SBF2: variants seen among roughly 807,000 people sequenced by gnomAD.
SBF2 encodes myotubularin-related protein 13.
Under a neutral mutation model 225.2 loss-of-function variants are expected in SBF2, and 112 were observed. That is an observed-to-expected ratio of 0.50 (90% CI 0.43 to 0.58). The LOEUF (loss-of-function observed/expected upper bound fraction) is 0.58, where lower values mean the gene tolerates loss of function less well. Ranked by LOEUF, SBF2 falls within the 20% of genes least tolerant of loss-of-function variation. The probability of loss-of-function intolerance (pLI) is 0.00; values close to 1 mark genes in which losing one functional copy is unlikely to be tolerated. For missense variants in SBF2, 1,996 were observed against 2,206.2 expected, an observed-to-expected ratio of 0.90 and a Z score of 1.91; for synonymous variants, 763 against 773.3, an observed-to-expected ratio of 0.99 and a Z score of 0.22.
chr11:10,286,736 A>G lies in SBF2; in HGVS notation c.55+7279T>C, dbSNP rs749040411. ...AGTTAACAAAAAATGGCTACTCCACAGGCAGAGCAACCAAAAATATTTTTA... is the reference window on the plus strand; with the variant it reads ...AGTTAACAAAAAATGGCTACTCCACGGGCAGAGCAACCAAAAATATTTTTA... On this transcript the variant is annotated intron_variant, in intron 1 of 39. Transcript: ENST00000256190. 1.6e-4 allele frequency among the ~76,000 whole-genome samples: 24 copies of G among 152,322 alleles called. No individual in the cohort carries two copies. In the South Asian group the frequency reaches 2.9e-3, roughly 18 times the overall value.
intron 2 of SBF2, among the ~76,000 whole-genome samples, chr11:10,134,804 G>T (rs1317299495): frequency 6.6e-6 from 1 of 152,076 alleles, no homozygotes; most frequent in Non-Finnish European, 1.5e-5. Context: ...CTGCTTTCAC[G>T]GGCTGCTGTT....
In SBF2 at chr11:9,784,394, C is replaced by A. The variant is rs1852231501; in HGVS notation, c.5276G>T (p.Gly1759Val). Residue 1759 changes from glycine (G) to valine (V), a missense_variant, in exon 38 of 40, where the codon GGT becomes GTT. Physicochemically the swap from Gly to Val is moderately radical, Grantham distance 109 (BLOSUM62 -3). Coordinates refer to ENST00000256190, the MANE Select transcript of SBF2 (RefSeq NM_030962.4). Reference sequence around the variant, plus strand: ...CAAAACAAACCAACGGGGCTTCCAACCTTTCAGCAAAGCCCCTCTTTTATA... The same window carrying A: ...CAAAACAAACCAACGGGGCTTCCAAACTTTCAGCAAAGCCCCTCTTTTATA... ...TLYKRGALLKGWKPRWFVLDV... is the reference protein window; with the variant it reads ...TLYKRGALLKVWKPRWFVLDV... 1 of 1,614,030 alleles carries A rather than the reference C, an allele frequency of 6.2e-7. No individual in the cohort carries two copies. Among genetic ancestry groups the A allele is most frequent in the African/African-American group, 1.3e-5 (1 of 74,930 alleles).
At chr11:10,106,632 TAA>T (rs34207805) in intron 2 of SBF2, among the ~76,000 whole-genome samples, 4 of 126,860 alleles carry the variant, frequency 3.2e-5, no homozygotes, top group Admixed American at 8.1e-5. Context: ...CCGACTCAAT[TAA>T]AAAAAAAAAA....
chr11:9,982,686 A>T (rs1178179698), intron 13 of SBF2, among the ~76,000 whole-genome samples: 2 of 152,166 alleles, frequency 1.3e-5, no homozygotes, highest in Non-Finnish European at 2.9e-5. Context: ...AGCAATCTGG[A>T]GAGGAACCAC....
At chr11:10,177,435 A>G (rs1445170932) in intron 2 of SBF2, among the ~76,000 whole-genome samples, 3 of 150,322 alleles carry the variant, frequency 2.0e-5, no homozygotes, top group Non-Finnish European at 4.4e-5. Flanking sequence ...TTGTATATCT[A>G]GAAAACCCCA....
rs974944551 is a variant in SBF2, at chr11:9,816,627, C to A, written c.3978+213G>T. On this transcript the variant is annotated intron_variant, in intron 29 of 39. Coordinates refer to ENST00000256190, the MANE Select transcript of SBF2 (RefSeq NM_030962.4). Reference sequence around the variant, plus strand: ...TATGAATAAATATTTATTTTCATGGCTAATAAATATGCATATGTATATACA... The same window carrying A: ...TATGAATAAATATTTATTTTCATGGATAATAAATATGCATATGTATATACA... Among the ~76,000 whole-genome samples, 106 of 151,384 alleles carry A rather than the reference C, an allele frequency of 7.0e-4. 1 individual carries two copies. Among genetic ancestry groups the A allele is most frequent in the African/African-American group, 2.4e-3 (101 of 41,254 alleles).
intron 1 of SBF2, among the ~76,000 whole-genome samples, chr11:10,292,627 C>G (rs1289931665): frequency 7.0e-6 from 1 of 142,248 alleles, no homozygotes; most frequent in African/African-American, 2.7e-5. Flanking sequence ...TGCAGTGAGC[C>G]AAGATCGCAC....
rs1947797052 is a variant in SBF2, at chr11:9,998,263, T to C, written c.975+3A>G. 6.6e-7 allele frequency: 1 copy of C among 1,509,622 alleles called. No homozygotes were observed. The allele number at this position is 1,509,622 out of a possible 1,614,324, so 93.5% of individuals were successfully genotyped here. ...AAGTTACTATTACAAAAATATGTCA[T>C]ACCAAAGAAAGAGCTGATTGAGTCT... On this transcript the variant is annotated splice_donor_region_variant and intron_variant, in intron 9 of 39. Coordinates refer to ENST00000256190, the MANE Select transcript of SBF2 (RefSeq NM_030962.4).
At chr11:10,216,151 A>G (rs78082055) in intron 1 of SBF2, among the ~76,000 whole-genome samples, 161 of 152,308 alleles carry the variant, frequency 1.1e-3, no homozygotes, top group African/African-American at 3.9e-3. Flanking sequence ...CTTACTCAAA[A>G]TCCTTAAGGG....
chr11:10,074,218 A>G (rs1951007153), intron 2 of SBF2, among the ~76,000 whole-genome samples: 1 of 152,138 alleles, frequency 6.6e-6, no homozygotes, highest in Non-Finnish European at 1.5e-5. Flanking sequence ...ATTGTTCTCT[A>G]TTTTTATCTT....
At chr11:10,304,044 T>C (rs1317276292) in intron 1 of SBF2, among the ~76,000 whole-genome samples, 1 of 152,186 alleles carries the variant, frequency 6.6e-6, no homozygotes, top group Non-Finnish European at 1.5e-5. Context: ...ACTCTGCTGC[T>C]TCCTACCTGC....
intron 13 of SBF2, among the ~76,000 whole-genome samples, chr11:9,972,258 CAA>C (rs2134400556): frequency 6.6e-6 from 1 of 152,240 alleles, no homozygotes; most frequent in African/African-American, 2.4e-5. Flanking sequence ...TTAGAACACA[CAA>C]ACACACACAC....
chr11:9,982,917 G>C (rs1947019752), intron 13 of SBF2, among the ~76,000 whole-genome samples: 1 of 152,302 alleles, frequency 6.6e-6, no homozygotes, highest in Admixed American at 6.5e-5. Context: ...CAGCAGAAAG[G>C]CCCTGGGAGC....
At chr11:10,272,464 CA>C (rs1162334502) in intron 1 of SBF2, among the ~76,000 whole-genome samples, 11 of 152,160 alleles carry the variant, frequency 7.2e-5, no homozygotes, top group Admixed American at 6.5e-5. Flanking sequence ...GTGATTTCAC[CA>C]TACCATTTCT....
intron 2 of SBF2, among the ~76,000 whole-genome samples, chr11:10,058,791 T>C (rs1697045238): frequency 6.6e-6 from 1 of 152,156 alleles, no homozygotes; most frequent in South Asian, 2.1e-4. Flanking sequence ...GGGAACTCCA[T>C]CAGGCTGACA....
chr11:10,060,247 C>T (rs1419448621), intron 2 of SBF2, among the ~76,000 whole-genome samples: 1 of 152,138 alleles, frequency 6.6e-6, no homozygotes, highest in African/African-American at 2.4e-5. Context: ...CTACTATGAA[C>T]ACCCCTCCGC....
intron 2 of SBF2, among the ~76,000 whole-genome samples, chr11:10,079,349 T>C (rs1951264061): frequency 6.6e-6 from 1 of 152,198 alleles, no homozygotes; most frequent in South Asian, 2.1e-4. Context: ...ATTTACAGGA[T>C]ATGACTGAGA....
intron 2 of SBF2, among the ~76,000 whole-genome samples, chr11:10,130,081 C>T (rs954430261): frequency 1.3e-5 from 2 of 151,920 alleles, no homozygotes; most frequent in African/African-American, 2.4e-5. Context: ...CAATACACCT[C>T]GCCAGGCGCA....
chr11:10,212,980 C>A (rs866593933), intron 1 of SBF2, among the ~76,000 whole-genome samples: 3 of 151,368 alleles, frequency 2.0e-5, no homozygotes, highest in African/African-American at 7.3e-5. Context: ...ACCCGGGAGG[C>A]GGAGGTTGCA....
Sources: allele counts gnomAD v4.1 joint callset (sites outside exome capture counted in the v4.1 genomes callset), GRCh38; gene constraint gnomAD v4.1.1; transcripts MANE v1.5; gene names NCBI Gene and HGNC (gene_info 2026-07-23, HGNC 2026-07-21).